Variants in HIVEP3 observed in about 807,000 individuals in gnomAD.
HIVEP3 encodes the protein HIVEP zinc finger 3.
A neutral mutation model predicts 152.8 loss-of-function variants in HIVEP3; 49 were observed. The ratio of observed to expected loss-of-function variants is 0.32; its 90% CI spans 0.26 to 0.41. The LOEUF (loss-of-function observed/expected upper bound fraction) is 0.41, where lower values mean the gene tolerates loss of function less well. HIVEP3 is among the 10% of genes least tolerant of loss of function. HIVEP3 has a pLI of 1.00. For synonymous variants in HIVEP3, 1,269 were observed against 1,289.0 expected (o/e 0.98, Z 0.33); for missense variants, 2,790 against 3,103.3 (o/e 0.90, Z 2.40).
intron 1 of HIVEP3, among the ~76,000 whole-genome samples, chr1:41,925,964 A>G (rs1032102783): frequency 6.6e-6 from 1 of 152,164 alleles, no homozygotes; most frequent in South Asian, 2.1e-4. Context: ...TTTCCCAGCC[A>G]TACTCTTAAA....
At chr1:41,563,235 T>C (rs1252167434) in intron 5 of HIVEP3, among the ~76,000 whole-genome samples, 1 of 151,862 alleles carries the variant, frequency 6.6e-6, no homozygotes, top group Non-Finnish European at 1.5e-5. Flanking sequence ...TAATCCCAGC[T>C]ACTCAGGAGG....
In HIVEP3 at chr1:41,993,589, C is replaced by T. The variant is rs565609852; in HGVS notation, n.119+42218G>A. On this transcript the variant is annotated intron_variant and non_coding_transcript_variant, in intron 1 of 3. Coordinates refer to the HIVEP3 transcript ENST00000489103. ...AGTTCAACCATTGTGGAATTCAGTGCGGCGATTCCTCAGGAATCTAGAACC... is the reference window on the plus strand; with the variant it reads ...AGTTCAACCATTGTGGAATTCAGTGTGGCGATTCCTCAGGAATCTAGAACC... Among the ~76,000 whole-genome samples, 358 of 152,214 alleles carry T rather than the reference C, an allele frequency of 2.4e-3. 1 individual carries two copies. Among genetic ancestry groups the T allele is most frequent in the African/African-American group, 8.1e-3 (335 of 41,524 alleles).
intron 2 of HIVEP3, among the ~76,000 whole-genome samples, chr1:41,652,024 C>T (rs1330463656): frequency 6.6e-6 from 1 of 152,184 alleles, no homozygotes; most frequent in Non-Finnish European, 1.5e-5. Context: ...GCACCTGGCA[C>T]TCTTCTGGGT....
chr1:41,751,306 C>T (rs1424110047), intron 1 of HIVEP3, among the ~76,000 whole-genome samples: 2 of 139,420 alleles, frequency 1.4e-5, no homozygotes, highest in Admixed American at 7.5e-5. Flanking sequence ...GAATTCATCC[C>T]GAGGGAAACT....
chr1:41,748,785 C>T (rs1341673000), intron 1 of HIVEP3, among the ~76,000 whole-genome samples: 1 of 152,184 alleles, frequency 6.6e-6, no homozygotes, highest in Non-Finnish European at 1.5e-5. Flanking sequence ...GCCACAGACC[C>T]CCTGCCGCCC....
At chr1:41,903,999 T>C (rs1236979459) in intron 1 of HIVEP3, among the ~76,000 whole-genome samples, 1 of 151,414 alleles carries the variant, frequency 6.6e-6, no homozygotes, top group African/African-American at 2.4e-5. Flanking sequence ...TGGGTTCAAG[T>C]GACTCTCATG....
intron 1 of HIVEP3, among the ~76,000 whole-genome samples, chr1:41,912,469 A>G (rs1214707690): frequency 1.3e-5 from 2 of 152,128 alleles, no homozygotes; most frequent in African/African-American, 4.8e-5. Flanking sequence ...GCTCTCCTCA[A>G]TTGTAATTGG....
rs545236796 is a variant in HIVEP3, at chr1:41,876,761, T to C, written c.-801+41652A>G. ...ACTCCAGCCAAGCACATTTTTTGAATAGCTAAACACTAACCCTGATAAAAT... is the reference window on the plus strand; with the variant it reads ...ACTCCAGCCAAGCACATTTTTTGAACAGCTAAACACTAACCCTGATAAAAT... On this transcript the variant is annotated intron_variant, in intron 1 of 8. Coordinates refer to ENST00000372583, the MANE Select transcript of HIVEP3 (RefSeq NM_024503.5). Among the ~76,000 whole-genome samples the C allele has an allele frequency of 5.9e-5, 9 of 152,342 alleles. No homozygotes were observed. In the South Asian group the frequency reaches 1.7e-3, roughly 28 times the overall value.
chr1:41,657,301 C>G (rs981587296), intron 2 of HIVEP3, among the ~76,000 whole-genome samples: 2 of 152,204 alleles, frequency 1.3e-5, no homozygotes, highest in African/African-American at 4.8e-5. Flanking sequence ...ATCCAAAGCT[C>G]ACATCCTCGT....
At chr1:41,630,999 C>A (rs572787052) in intron 2 of HIVEP3, among the ~76,000 whole-genome samples, 1 of 152,160 alleles carries the variant, frequency 6.6e-6, no homozygotes, top group Non-Finnish European at 1.5e-5. Flanking sequence ...AACAGTGATT[C>A]CTGAATGAAT....
At chr1:41,535,381 C>T (rs193269621) in intron 5 of HIVEP3, 8 of 152,362 alleles carry the variant, frequency 5.3e-5, no homozygotes, top group Admixed American at 4.6e-4. Flanking sequence ...GGGATATAGT[C>T]CTGCTTGCCT....
chr1:41,658,423 G>A (rs1397416830), intron 2 of HIVEP3, among the ~76,000 whole-genome samples: 1 of 152,188 alleles, frequency 6.6e-6, no homozygotes, highest in East Asian at 1.9e-4. Context: ...TATGGACCCA[G>A]AGTCCTGGGC....
At chr1:41,540,976 C>T (rs1442012699) in intron 5 of HIVEP3, among the ~76,000 whole-genome samples, 2 of 152,098 alleles carry the variant, frequency 1.3e-5, no homozygotes, top group African/African-American at 4.8e-5. Context: ...CATAAACAGC[C>T]AGTAGGTGAG....
intron 1 of HIVEP3, among the ~76,000 whole-genome samples, chr1:41,712,832 C>T (rs1646534604): frequency 6.6e-6 from 1 of 152,212 alleles, no homozygotes; most frequent in Admixed American, 6.5e-5. Context: ...GGCTGGAGGC[C>T]AAAGCCACCA....
At chr1:41,633,434 C>T (rs1033708060) in intron 2 of HIVEP3, among the ~76,000 whole-genome samples, 1 of 152,080 alleles carries the variant, frequency 6.6e-6, no homozygotes, top group African/African-American at 2.4e-5. Flanking sequence ...TCCTGAAATC[C>T]CCCCCAAAAA....
intron 3 of HIVEP3, among the ~76,000 whole-genome samples, chr1:41,596,232 T>C (rs1346185375): frequency 2.0e-5 from 3 of 152,206 alleles, no homozygotes; most frequent in Non-Finnish European, 4.4e-5. Flanking sequence ...GACTGCCCTC[T>C]GAAAGCAGGT....
chr1:41,525,531 G>C (rs1333562384), intron 5 of HIVEP3, among the ~76,000 whole-genome samples: 1 of 152,174 alleles, frequency 6.6e-6, no homozygotes, highest in Admixed American at 6.5e-5. Flanking sequence ...ATATTCATGG[G>C]AGGAGAAGGA....
At chr1:41,711,111 T>G (rs1244591235) in intron 1 of HIVEP3, among the ~76,000 whole-genome samples, 1 of 152,234 alleles carries the variant, frequency 6.6e-6, no homozygotes, top group African/African-American at 2.4e-5. Context: ...CGGGCTGGCC[T>G]TCTAGTGCCC....
intron 2 of HIVEP3, among the ~76,000 whole-genome samples, chr1:41,638,256 GAGAAAGAA>G (rs61470609): frequency 5.0e-5 from 6 of 120,884 alleles, no homozygotes; most frequent in Non-Finnish European, 8.4e-5. Context: ...AAGAAAGAGA[GAGAAAGAA>G]AGAAAGAAAG....
Sources: allele counts gnomAD v4.1 joint callset (sites outside exome capture counted in the v4.1 genomes callset), GRCh38; gene constraint gnomAD v4.1.1; transcripts MANE v1.5; gene names NCBI Gene and HGNC (gene_info 2026-07-23, HGNC 2026-07-21).